Variants in ZNF140 observed in about 807,000 individuals in gnomAD.
The protein encoded by ZNF140 is zinc finger protein 140 (clone pHZ-39).
Under a neutral mutation model 12.9 loss-of-function variants are expected in ZNF140, and 13 were observed. The ratio of observed to expected loss-of-function variants is 1.01; its 90% confidence interval spans 0.66 to 1.60. The LOEUF (loss-of-function observed/expected upper bound fraction) is 1.60. Ranked by LOEUF, ZNF140 falls within the 40% of genes most tolerant of loss-of-function variation. The probability of loss-of-function intolerance (pLI) is 0.00; values close to 1 mark genes in which losing one functional copy is unlikely to be tolerated. For missense variants in ZNF140, 531 were observed against 548.8 expected (o/e 0.97, Z 0.32); for synonymous variants, 214 against 186.7 (o/e 1.15, Z -1.19).
chr12:133,106,238 A>C lies in ZNF140; in HGVS notation c.961A>C (p.Ser321Arg), dbSNP rs1955588786. ...TTTCTCACACCTTACTCGACATCAGAGCATCCATACAACCAAAACCCCGTA... is the reference window on the plus strand; with the variant it reads ...TTTCTCACACCTTACTCGACATCAGCGCATCCATACAACCAAAACCCCGTA... ...RRFSHLTRHQ[S>R]IHTTKTPYEC... Residue 321 changes from serine (S) to arginine (R), a missense_variant, in exon 5 of 5, where the codon AGC becomes CGC. By Grantham distance (110) the Ser-to-Arg change is moderately radical. Transcript: ENST00000355557. 1 of 1,614,114 alleles carries C rather than the reference A, an allele frequency of 6.2e-7. No individual in the cohort carries two copies. The highest frequency in any genetic ancestry group is 1.7e-5 in the Admixed American group (1 of 60,000).
rs759616935 is a variant in ZNF140 at position 133,081,350 on chromosome 12, T to C, written c.9+21T>C. 3.6e-5 allele frequency: 8 copies of C among 224,512 alleles called. No homozygotes were observed. In the South Asian group the frequency reaches 5.3e-4, roughly 15 times the overall value. 13.9% of individuals were successfully genotyped at this position (224,512 alleles called of 1,614,324 possible). On this transcript the variant is annotated intron_variant, in intron 2 of 4. Transcript: ENST00000355557. Reference sequence around the variant, plus strand: ...CTCAGGTAAGCTAATGATTGATAAATATATATATATATATATATATAAATT... The same window carrying C: ...CTCAGGTAAGCTAATGATTGATAAACATATATATATATATATATATAAATT...
chr12:133,104,048 A>G (rs924144585), intron 4 of ZNF140, among the ~76,000 whole-genome samples: 3 of 152,210 alleles, frequency 2.0e-5, no homozygotes, highest in African/African-American at 4.8e-5. Flanking sequence ...GAAACAGTCT[A>G]TTTACCTTTC....
chr12:133,105,852 A>G lies in ZNF140; in HGVS notation c.575A>G (p.Lys192Arg). 8.1e-6 allele frequency: 13 copies of G among 1,614,164 alleles called. No individual in the cohort carries two copies. Among genetic ancestry groups the G allele is most frequent in the Non-Finnish European group, 1.1e-5 (13 of 1,180,028 alleles). ...ACTGGAGAGAAACCATATGCATGTA[A>G]GGAATGTGGCAAAACCTTTAGCCAG... ...THTGEKPYAC[K>R]ECGKTFSQIS... The change falls in exon 5 of 5, where the codon AAG (lysine) becomes AGG (arginine). Residue 192 changes from lysine (K) to arginine (R), a missense_variant. Physicochemically the swap from Lys to Arg is conservative, Grantham distance 26. Coordinates refer to ENST00000355557, the MANE Select transcript of ZNF140 (RefSeq NM_003440.4).
chr12:133,092,854 T>C (rs1264429339), intron 4 of ZNF140, among the ~76,000 whole-genome samples: 1 of 151,262 alleles, frequency 6.6e-6, no homozygotes, highest in Non-Finnish European at 1.5e-5. Flanking sequence ...GTAGTACCAC[T>C]GCAGTATCAG....
intron 4 of ZNF140, among the ~76,000 whole-genome samples, chr12:133,089,964 C>T (rs2137509967): frequency 6.6e-6 from 1 of 152,136 alleles, no homozygotes; most frequent in African/African-American, 2.4e-5. Flanking sequence ...ATTCTTCTGC[C>T]TCAGCCTCCT....
intron 2 of ZNF140, chr12:133,082,483 C>T (rs928018937): frequency 2.0e-4 from 30 of 152,488 alleles, no homozygotes; most frequent in African/African-American, 6.5e-4. Context: ...ATATATTATT[C>T]CCCCTAACTC....
In ZNF140 at chr12:133,081,344, GATAAATATATATATAT is replaced by G. The variant is rs1276124875; in HGVS notation, c.9+19_9+34del. 4.3e-6 allele frequency: 2 copies of G among 461,280 alleles called. No homozygotes were observed. Among genetic ancestry groups the G allele is most frequent in the Non-Finnish European group, 7.4e-6 (2 of 269,678 alleles). The allele number at this position is 461,280 out of a possible 1,614,324, so 28.6% of individuals were successfully genotyped here. A position where few individuals can be genotyped will look rare whatever the true frequency, so the allele number is the denominator to read the frequency against. ...CTATGTCTCAGGTAAGCTAATGATT[GATAAATATATATATAT>G]ATATATATATAAATTTTTATTTTTT... is the stretch of plus-strand genomic sequence containing the variant. On this transcript the variant is annotated intron_variant, in intron 2 of 4. Transcript: ENST00000355557.
intron 4 of ZNF140, among the ~76,000 whole-genome samples, chr12:133,097,269 T>G (rs1955162469): frequency 6.6e-6 from 1 of 152,208 alleles, no homozygotes; most frequent in Non-Finnish European, 1.5e-5. Flanking sequence ...ACACAACATA[T>G]AGTTGGGTCT....
chr12:133,099,982 G>T (rs1299919175), intron 4 of ZNF140, among the ~76,000 whole-genome samples: 1 of 147,206 alleles, frequency 6.8e-6, no homozygotes. Context: ...CACTCTCCTT[G>T]TTCTTTTTCT....
intron 4 of ZNF140, among the ~76,000 whole-genome samples, chr12:133,103,255 A>AC (rs997975670): frequency 1.1e-4 from 17 of 152,248 alleles, no homozygotes; most frequent in Middle Eastern, 3.4e-3. Context: ...ATGCAAGAGA[A>AC]CACCTGAGCT....
intron 4 of ZNF140, among the ~76,000 whole-genome samples, chr12:133,097,945 T>A (rs1178807316): frequency 6.6e-6 from 1 of 152,002 alleles, no homozygotes; most frequent in Non-Finnish European, 1.5e-5. Context: ...CAAGCAATTC[T>A]GCCTCAGCCT....
At chr12:133,096,291 A>C (rs1019204243) in intron 4 of ZNF140, among the ~76,000 whole-genome samples, 20 of 151,002 alleles carry the variant, frequency 1.3e-4, no homozygotes, top group South Asian at 6.3e-4. Flanking sequence ...TCCCTTAAAC[A>C]TTGATTTTAT....
chr12:133,084,269 G>A (rs926468916), intron 4 of ZNF140: 68 of 361,074 alleles, frequency 1.9e-4, no homozygotes, highest in Non-Finnish European at 2.5e-4. Flanking sequence ...ATATTTTGCT[G>A]TTCTATTTAA....
intron 4 of ZNF140, among the ~76,000 whole-genome samples, chr12:133,095,659 T>A (rs1955057301): frequency 6.6e-6 from 1 of 151,694 alleles, no homozygotes; most frequent in South Asian, 2.1e-4. Context: ...TATTATTATT[T>A]TCATTATTTC....
chr12:133,080,530 T>C (rs976068792), upstream of ZNF140: 1 of 152,274 alleles, frequency 6.6e-6, no homozygotes, highest in African/African-American at 2.4e-5. Context: ...CGAGACACTC[T>C]GGCAGTTATA....
chr12:133,106,225 TACTC>T lies in ZNF140; in HGVS notation c.949_952del (p.Thr317AspfsTer173), dbSNP rs1566326333. Reference sequence around the variant, plus strand: ...AGGCATTTCGCCGTTTCTCACACCTTACTCGACATCAGAGCATCCATACAACCAA... The same window carrying T: ...AGGCATTTCGCCGTTTCTCACACCTTGACATCAGAGCATCCATACAACCAA... On this transcript the variant is annotated frameshift_variant, in exon 5 of 5. Transcript: ENST00000355557. LOFTEE classifies it low-confidence loss of function (END_TRUNC). 1.2e-6 allele frequency: 2 copies of T among 1,614,196 alleles called. No homozygotes were observed. The highest frequency in any genetic ancestry group is 3.3e-5 in the Admixed American group (2 of 60,024).
rs923550800 is a variant in ZNF140 at position 133,088,298 on chromosome 12, G to A, written c.232+4737G>A. Among the ~76,000 whole-genome samples, 7 of 152,090 alleles carry A rather than the reference G, an allele frequency of 4.6e-5. No homozygotes were observed. The East Asian group carries it at 5.8e-4, about 13-fold the overall frequency. Reference sequence around the variant, plus strand: ...CACCCATTCCCAACCCTTGGCATCCGCTGATTTTTGTTACTGTCTCCATAG... The same window carrying A: ...CACCCATTCCCAACCCTTGGCATCCACTGATTTTTGTTACTGTCTCCATAG... On this transcript the variant is annotated intron_variant, in intron 4 of 4. Coordinates refer to ENST00000355557, the MANE Select transcript of ZNF140 (RefSeq NM_003440.4).
chr12:133,089,749 C>A (rs1954793726), intron 4 of ZNF140, among the ~76,000 whole-genome samples: 4 of 151,992 alleles, frequency 2.6e-5, no homozygotes, highest in Non-Finnish European at 5.9e-5. Flanking sequence ...TCTTAATTAG[C>A]CTGGCTAGAG....
chr12:133,090,816 C>G (rs1042120466), intron 4 of ZNF140, among the ~76,000 whole-genome samples: 1 of 130,304 alleles, frequency 7.7e-6, no homozygotes, highest in East Asian at 2.0e-4. Context: ...GAATCTATAT[C>G]ATAATTAGGT....
Sources: allele counts gnomAD v4.1 joint callset (sites outside exome capture counted in the v4.1 genomes callset), GRCh38; gene constraint gnomAD v4.1.1; transcripts MANE v1.5; gene names NCBI Gene and HGNC (gene_info 2026-07-23, HGNC 2026-07-21).